Variants in SNCAIP observed in about 807,000 individuals in gnomAD.
The protein encoded by SNCAIP is synphilin-1.
SNCAIP carries 43 observed loss-of-function variants against 86.7 expected under a neutral mutation model. The ratio of observed to expected loss-of-function variants is 0.50; its 90% CI spans 0.39 to 0.64. The LOEUF (loss-of-function observed/expected upper bound fraction) is 0.64, where lower values mean the gene tolerates loss of function less well. Among genes scored for constraint, SNCAIP ranks in the 30% least tolerant of loss-of-function variants. SNCAIP has a pLI of 0.00. For missense variants in SNCAIP, 981 were observed against 1,103.1 expected, an observed-to-expected ratio of 0.89 and a Z score of 1.57; for synonymous variants, 417 against 427.2, an observed-to-expected ratio of 0.98 and a Z score of 0.29.
intron 3 of SNCAIP, among the ~76,000 whole-genome samples, chr5:122,407,519 G>T (rs759347233): frequency 3.3e-5 from 5 of 152,098 alleles, no homozygotes; most frequent in Non-Finnish European, 5.9e-5. Context: ...TTATGACCTG[G>T]AAAGAAGCCT....
At chr5:122,380,752 G>A (rs11958053) in intron 1 of SNCAIP, among the ~76,000 whole-genome samples, 3,225 of 151,192 alleles carry the variant, frequency 0.021, 97 homozygotes, top group African/African-American at 0.074. Context: ...CTTTGTTCTC[G>A]TTGGTTTCAA....
In SNCAIP at chr5:122,449,894, G is replaced by A. The variant is rs756106345; in HGVS notation, c.1642G>A (p.Glu548Lys). 16 of 1,614,030 alleles carry A rather than the reference G, an allele frequency of 9.9e-6. No individual in the cohort carries two copies. Among genetic ancestry groups the A allele is most frequent in the Non-Finnish European group, 1.4e-5 (16 of 1,179,924 alleles). The stretch of plus-strand genomic sequence containing the variant: ...GCAGAACCAACTCCAACAATTTCTA[G>A]AAGCCCAGAAATCAGAGGGCAAGTC... ...TLQNQLQQFL[E>K]AQKSEGKSLP... is the part of the protein sequence containing the mutation. The change falls in exon 9 of 11, where the codon GAA becomes AAA. Residue 548 changes from glutamate (E) to lysine (K), a missense_variant. Physicochemically the swap from Glu to Lys is moderately conservative, Grantham distance 56. Coordinates refer to ENST00000261368, the MANE Select transcript of SNCAIP (RefSeq NM_005460.4).
At chr5:122,359,947 C>T (rs188918131) in intron 1 of SNCAIP, among the ~76,000 whole-genome samples, 21 of 152,278 alleles carry the variant, frequency 1.4e-4, no homozygotes, top group African/African-American at 4.8e-4. Flanking sequence ...CCTTCAGCTC[C>T]TCCAGAGAGA....
At chr5:122,337,400 A>G (rs563902614) in intron 1 of SNCAIP, among the ~76,000 whole-genome samples, 1 of 152,302 alleles carries the variant, frequency 6.6e-6, no homozygotes, top group Non-Finnish European at 1.5e-5. Flanking sequence ...CTTGATTAGA[A>G]TGCCTGAATG....
intron 2 of SNCAIP, among the ~76,000 whole-genome samples, chr5:122,402,584 G>A (rs535767381): frequency 1.3e-5 from 2 of 151,150 alleles, no homozygotes; most frequent in East Asian, 1.9e-4. Flanking sequence ...CAATATCTAC[G>A]TTCCCACCCT....
At chr5:122,408,810 G>A (rs1027546414) in intron 3 of SNCAIP, among the ~76,000 whole-genome samples, 2 of 152,180 alleles carry the variant, frequency 1.3e-5, no homozygotes, top group Admixed American at 6.5e-5. Context: ...AGTGTACCAG[G>A]CATTGTGCCA....
chr5:122,410,542 G>T (rs978805933), intron 3 of SNCAIP, among the ~76,000 whole-genome samples: 1 of 152,212 alleles, frequency 6.6e-6, no homozygotes, highest in Admixed American at 6.5e-5. Context: ...AATAAAAGGG[G>T]CTGGGTATGG....
intron 1 of SNCAIP, among the ~76,000 whole-genome samples, chr5:122,325,090 T>TA (rs541947090): frequency 1.3e-3 from 197 of 152,314 alleles, no homozygotes; most frequent in African/African-American, 4.5e-3. Flanking sequence ...CCCTTTTTTT[T>TA]ATCAACAAAT....
intron 1 of SNCAIP, among the ~76,000 whole-genome samples, chr5:122,384,263 T>G (rs931922957): frequency 2.0e-4 from 30 of 152,184 alleles, no homozygotes; most frequent in Non-Finnish European, 3.1e-4. Flanking sequence ...GGATGGAATA[T>G]TCCTGAGGTT....
chr5:122,450,563 C>G lies in SNCAIP; in HGVS notation c.1716C>G (p.Ser572=). 1.2e-6 allele frequency: 2 copies of G among 1,613,926 alleles called. No individual in the cohort carries two copies. The highest frequency in any genetic ancestry group is 4.5e-5 in the East Asian group (2 of 44,878). Residue 572 remains serine, a synonymous_variant, in exon 10 of 11, where the codon TCC becomes TCG. Coordinates refer to ENST00000261368, the MANE Select transcript of SNCAIP (RefSeq NM_005460.4). The part of the protein sequence containing the change: ...SSPSSPASRK[S]QWKSPDADDD... Reference sequence around the variant, plus strand: ...CATCCTCACCTGCCTCCAGAAAGTCCCAGTGGAAATCTCCAGATGCAGATG... The same window carrying G: ...CATCCTCACCTGCCTCCAGAAAGTCGCAGTGGAAATCTCCAGATGCAGATG...
chr5:122,427,563 G>A (rs1777613685), intron 5 of SNCAIP, among the ~76,000 whole-genome samples: 4 of 152,052 alleles, frequency 2.6e-5, no homozygotes. Context: ...TCCCTCTTTA[G>A]AAATCTGTCC....
At chr5:122,452,986 AC>A (rs1784019304) in intron 10 of SNCAIP, 1 of 1,544,122 alleles carries the variant, frequency 6.5e-7, no homozygotes, top group East Asian at 2.4e-5. Flanking sequence ...CATCTGTGTA[AC>A]GACACACGGT....
intron 1 of SNCAIP, among the ~76,000 whole-genome samples, chr5:122,335,224 G>A (rs543961152): frequency 6.6e-6 from 1 of 152,262 alleles, no homozygotes; most frequent in East Asian, 1.9e-4. Context: ...AGAGAAGTTT[G>A]AGATGAACAA....
At chr5:122,320,661 A>T (rs774457126) in intron 1 of SNCAIP, among the ~76,000 whole-genome samples, 4 of 152,156 alleles carry the variant, frequency 2.6e-5, no homozygotes, top group Non-Finnish European at 5.9e-5. Flanking sequence ...CCGAAAACTT[A>T]GTTGACAGAG....
intron 1 of SNCAIP, among the ~76,000 whole-genome samples, chr5:122,325,432 G>A (rs981336720): frequency 2.3e-4 from 35 of 152,200 alleles, no homozygotes; most frequent in Admixed American, 2.3e-3. Flanking sequence ...CTGTTCTCTG[G>A]GTCCTAGTAA....
At chr5:122,341,148 C>T (rs1185310779) in intron 1 of SNCAIP, among the ~76,000 whole-genome samples, 1 of 152,170 alleles carries the variant, frequency 6.6e-6, no homozygotes, top group Non-Finnish European at 1.5e-5. Flanking sequence ...TCTTGGCTAA[C>T]CAGCGAGGAT....
At chr5:122,364,647 T>C (rs983698412) in intron 1 of SNCAIP, among the ~76,000 whole-genome samples, 4 of 152,278 alleles carry the variant, frequency 2.6e-5, no homozygotes, top group Non-Finnish European at 5.9e-5. Flanking sequence ...CACTACGTGC[T>C]TTGATACAAA....
intron 1 of SNCAIP, among the ~76,000 whole-genome samples, chr5:122,328,759 T>G (rs1754651141): frequency 6.6e-6 from 1 of 152,218 alleles, no homozygotes; most frequent in Non-Finnish European, 1.5e-5. Flanking sequence ...TATAAAATCC[T>G]AAAACACTTA....
At chr5:122,325,726 T>C (rs981390943) in intron 1 of SNCAIP, among the ~76,000 whole-genome samples, 1 of 152,240 alleles carries the variant, frequency 6.6e-6, no homozygotes, top group Non-Finnish European at 1.5e-5. Context: ...CAACAAAGGA[T>C]TATTGTCATC....
Sources: allele counts gnomAD v4.1 joint callset (sites outside exome capture counted in the v4.1 genomes callset), GRCh38; gene constraint gnomAD v4.1.1; transcripts MANE v1.5; gene names NCBI Gene and HGNC (gene_info 2026-07-23, HGNC 2026-07-21).